Variants in UPP1 observed in about 807,000 individuals in gnomAD.
The protein encoded by UPP1 is UPase 1.
A neutral mutation model predicts 29.6 loss-of-function variants in UPP1; 25 were observed. The observed-to-expected ratio is 0.85, with a 90% CI of 0.62 to 1.18. The LOEUF (loss-of-function observed/expected upper bound fraction) is 1.18, where lower values mean the gene tolerates loss of function less well. Among genes scored for constraint, UPP1 ranks in the 50% most tolerant of loss-of-function variants. The pLI is 0.00. For missense variants in UPP1, 368 were observed against 410.4 expected (o/e 0.90, Z 0.89); for synonymous variants, 165 against 159.8 (o/e 1.03, Z -0.25).
intron 1 of UPP1, 145 bp from the exon 2 acceptor site, chr7:48,090,043 T>C (rs1270866624): frequency 6.6e-6 from 1 of 152,236 alleles, no homozygotes; most frequent in Non-Finnish European, 1.5e-5. Flanking sequence ...TAACAAAATG[T>C]TACCGCATAA....
At chr7:48,091,814 A>G (rs886603562) in intron 2 of UPP1, among the ~76,000 whole-genome samples, 3 of 152,180 alleles carry the variant, frequency 2.0e-5, no homozygotes, top group African/African-American at 7.2e-5. Context: ...GGAGCCCACT[A>G]GGAAGGAGCC....
chr7:48,088,783 T>G (rs1232328914), upstream of UPP1: 1 of 152,346 alleles, frequency 6.6e-6, no homozygotes. Flanking sequence ...GGTTCCACGC[T>G]GTCATTTCTC....
At chr7:48,098,540 G>A (rs1792245434) in intron 3 of UPP1, among the ~76,000 whole-genome samples, 1 of 152,166 alleles carries the variant, frequency 6.6e-6, no homozygotes, top group Admixed American at 6.5e-5. Flanking sequence ...TAGATAAGGT[G>A]TAACAAGCAT....
intron 5 of UPP1, 122 bp from the exon 6 acceptor site, chr7:48,103,174 AG>A: frequency 1.5e-6 from 1 of 680,958 alleles, no homozygotes; most frequent in Non-Finnish European, 2.5e-6. Flanking sequence ...ATATTTAAAA[AG>A]TTTATCTTTC....
intron 2 of UPP1, among the ~76,000 whole-genome samples, chr7:48,093,089 C>A (rs1442821554): frequency 6.6e-6 from 1 of 152,120 alleles, no homozygotes; most frequent in African/African-American, 2.4e-5. Context: ...CTTAGCTCTC[C>A]TTAGCTGGAC....
At chr7:48,103,636 C>G in intron 6 of UPP1, 1 of 896,226 alleles carries the variant, frequency 1.1e-6, no homozygotes, top group South Asian at 1.6e-5. Flanking sequence ...GGGCACCACA[C>G]CATGCATATG....
rs1425588193 is a variant in UPP1 at position 48,099,784 on chromosome 7, G to A, written c.159G>A (p.Val53=). 1 of 1,603,336 alleles carries A rather than the reference G, an allele frequency of 6.2e-7. No homozygotes were observed. The highest frequency in any genetic ancestry group is 1.7e-5 in the Admixed American group (1 of 59,990). Reference sequence around the variant, plus strand: ...ATTTCCCAGCCTTGTTTGGAGATGTGAAGGTAAGAGGCCAGGTGTTGACAC... The same window carrying A: ...ATTTCCCAGCCTTGTTTGGAGATGTAAAGGTAAGAGGCCAGGTGTTGACAC... The part of the protein sequence containing the change: ...RHNFPALFGD[V]KFVCVGGSPS... Residue 53 remains valine (V), a synonymous_variant, in exon 4 of 9, where the codon GTG becomes GTA. Transcript: ENST00000395564.
At chr7:48,103,761 T>C (rs1023631825) in intron 6 of UPP1, 25 of 1,292,884 alleles carry the variant, frequency 1.9e-5, no homozygotes, top group Non-Finnish European at 2.5e-5. Flanking sequence ...TGCTTACTTT[T>C]CCTCCTCCCT....
At chr7:48,097,102 A>T (rs1364718005) in intron 3 of UPP1, among the ~76,000 whole-genome samples, 1 of 152,238 alleles carries the variant, frequency 6.6e-6, no homozygotes, top group Non-Finnish European at 1.5e-5. Flanking sequence ...AGTCACTTGA[A>T]ATTATGTGTA....
Position 48,107,186 on chromosome 7 carries a change from C to T in UPP1, c.646+104C>T. On this transcript the variant is annotated intron_variant, in intron 7 of 8. Coordinates refer to ENST00000395564, the MANE Select transcript of UPP1 (RefSeq NM_003364.4). ...ACTGGCGTTTCCACTTGCCAGGCTG[C>T]TGTCTCAGTTACACTTCGCCCAGAG... 30 of 1,467,904 alleles carry T rather than the reference C, an allele frequency of 2.0e-5. 1 individual carries two copies. In the South Asian group the frequency reaches 3.4e-4, roughly 16 times the overall value. 90.9% of individuals were successfully genotyped at this position (1,467,904 alleles called of 1,614,324 possible).
chr7:48,101,933 GAACTGACCGCT>G lies in UPP1; in HGVS notation c.274_284del (p.Thr92CysfsTer4). ...AGAGACTATCCCAACATCTGTGCGGGAACTGACCGCTATGCCATGTATAAAGTAGGACCGGT... is the reference window on the plus strand; with the variant it reads ...AGAGACTATCCCAACATCTGTGCGGGATGCCATGTATAAAGTAGGACCGGT... On this transcript the variant is annotated frameshift_variant, in exon 5 of 9. Coordinates refer to ENST00000395564, the MANE Select transcript of UPP1 (RefSeq NM_003364.4). LOFTEE classifies it high-confidence loss of function. The G allele has an allele frequency of 3.1e-6, 5 of 1,614,026 alleles. No individual in the cohort carries two copies. Among genetic ancestry groups the G allele is most frequent in the Non-Finnish European group, 4.2e-6 (5 of 1,179,996 alleles).
At chr7:48,094,309 G>T (rs1792010252) in intron 2 of UPP1, among the ~76,000 whole-genome samples, 1 of 152,156 alleles carries the variant, frequency 6.6e-6, no homozygotes, top group Non-Finnish European at 1.5e-5. Flanking sequence ...TGCCTCCCAG[G>T]TTCAAGCGAT....
chr7:48,096,356 G>A (rs1457804531), intron 3 of UPP1, among the ~76,000 whole-genome samples: 1 of 152,194 alleles, frequency 6.6e-6, no homozygotes, highest in Non-Finnish European at 1.5e-5. Flanking sequence ...TATACTGAGA[G>A]TATTAAATGA....
In UPP1 at chr7:48,093,965, G is replaced by A. The variant is rs183640278; in HGVS notation, c.-21-798G>A. Among the ~76,000 whole-genome samples, 4 of 152,306 alleles carry A rather than the reference G, an allele frequency of 2.6e-5. No individual in the cohort carries two copies. In the East Asian group the frequency reaches 5.8e-4, roughly 22 times the overall value. On this transcript the variant is annotated intron_variant, in intron 2 of 8. Coordinates refer to ENST00000395564, the MANE Select transcript of UPP1 (RefSeq NM_003364.4). Reference sequence around the variant, plus strand: ...ACCTGGGGTCAGCAGTTCGAGAACAGCCTGCCCAACATGGTGAAACCCTGT... The same window carrying A: ...ACCTGGGGTCAGCAGTTCGAGAACAACCTGCCCAACATGGTGAAACCCTGT...
Position 48,102,723 on chromosome 7 carries a change from C to T in UPP1, c.322-574C>T, listed in dbSNP as rs530618634. 5.9e-5 allele frequency among the ~76,000 whole-genome samples: 9 copies of T among 152,150 alleles called. No homozygotes were observed. The East Asian group carries it at 7.7e-4, about 13-fold the overall frequency. The stretch of plus-strand genomic sequence containing the variant: ...GCCCCTGGAAAGTGCTGAGTTCATC[C>T]GGGGAGAGGCATCACAGAAGTTGTG... On this transcript the variant is annotated intron_variant, in intron 5 of 8. Coordinates refer to ENST00000395564, the MANE Select transcript of UPP1 (RefSeq NM_003364.4).
intron 8 of UPP1, 135 bp from the exon 9 acceptor site, chr7:48,108,083 C>T: frequency 7.4e-7 from 1 of 1,347,010 alleles, no homozygotes; most frequent in Non-Finnish European, 1.0e-6. Flanking sequence ...TCCGGCCCCG[C>T]CTGACTGCAT....
intron 5 of UPP1, 30 bp from the exon 6 acceptor site, chr7:48,103,267 C>T (rs758554462): frequency 6.3e-7 from 1 of 1,578,338 alleles, no homozygotes; most frequent in Non-Finnish European, 8.7e-7. Context: ...ACAACCTTGG[C>T]TTAACATGGG....
chr7:48,089,267 T>G lies in UPP1; in HGVS notation c.-350T>G, dbSNP rs1377458929. 6.6e-6 allele frequency: 1 copy of G among 152,272 alleles called. No individual in the cohort carries two copies. The highest frequency in any genetic ancestry group is 2.4e-5 in the African/African-American group (1 of 41,450). The allele number at this position is 152,272 out of a possible 1,614,324, so 9.4% of individuals were successfully genotyped here. A position where few individuals can be genotyped will look rare whatever the true frequency, so the allele number is the denominator to read the frequency against. On this transcript the variant is annotated 5_prime_UTR_variant, in exon 1 of 9. In the 5' UTR this introduces an upstream ATG that the reference lacks. Transcript: ENST00000395564. ...TTCACCTCGCAGGTGGTTCCCTCAT[T>G]CGAGTGCTCCGGCGCACAGACCCGC...
At chr7:48,092,704 CTTT>C (rs1207379327) in intron 2 of UPP1, among the ~76,000 whole-genome samples, 9 of 136,012 alleles carry the variant, frequency 6.6e-5, no homozygotes, top group South Asian at 2.4e-4. Context: ...CTGTTTGTTT[CTTT>C]TTTTTTTTTT....
Sources: allele counts gnomAD v4.1 joint callset (sites outside exome capture counted in the v4.1 genomes callset), GRCh38; gene constraint gnomAD v4.1.1; transcripts MANE v1.5; gene names NCBI Gene and HGNC (gene_info 2026-07-23, HGNC 2026-07-21).